Variants in MYRFL observed in about 807,000 individuals in gnomAD.
MYRFL encodes myelin regulatory factor-like protein.
In MYRFL, 88 loss-of-function variants were observed where a neutral mutation model predicts 109.4. That is an observed-to-expected ratio of 0.80 (90% CI 0.68 to 0.96). MYRFL has a LOEUF of 0.96. MYRFL is among the 40% of genes least tolerant of loss of function. The pLI is 0.00. For missense variants in MYRFL, 957 were observed against 954.9 expected (o/e 1.00, Z -0.03); for synonymous variants, 324 against 320.9 (o/e 1.01, Z -0.10).
At chr12:69,889,551 A>T (rs2701607) in intron 6 of MYRFL, among the ~76,000 whole-genome samples, 112,951 of 152,000 alleles carry the variant, frequency 0.74, 42,048 homozygotes, top group East Asian at 0.8. Flanking sequence ...AGCATCATGT[A>T]GGTGTTCAAA....
At chr12:69,901,263 C>T (rs557789245) in intron 10 of MYRFL, among the ~76,000 whole-genome samples, 2 of 152,304 alleles carry the variant, frequency 1.3e-5, no homozygotes, top group African/African-American at 4.8e-5. Flanking sequence ...CATGTGAATA[C>T]AAACTCATAA....
intron 1 of MYRFL, among the ~76,000 whole-genome samples, chr12:69,837,841 T>C (rs907175835): frequency 2.0e-5 from 3 of 152,184 alleles, no homozygotes; most frequent in Non-Finnish European, 2.9e-5. Flanking sequence ...CCTTTCAAAG[T>C]ATGTAATGAA....
intron 10 of MYRFL, among the ~76,000 whole-genome samples, chr12:69,897,843 T>G (rs990844641): frequency 5.3e-5 from 8 of 152,202 alleles, no homozygotes; most frequent in African/African-American, 1.9e-4. Context: ...TCTGGGCTAC[T>G]GTCTAGCACA....
intron 2 of MYRFL, among the ~76,000 whole-genome samples, chr12:69,877,624 A>G (rs1885769957): frequency 6.6e-6 from 1 of 151,922 alleles, no homozygotes; most frequent in Non-Finnish European, 1.5e-5. Context: ...ATTCCTTTAC[A>G]TTTATTTGAG....
At chr12:69,878,803 A>G (rs1014509452) in intron 2 of MYRFL, among the ~76,000 whole-genome samples, 1 of 152,130 alleles carries the variant, frequency 6.6e-6, no homozygotes, top group Non-Finnish European at 1.5e-5. Context: ...ATGGATACAC[A>G]GCTAGGAAGT....
intron 19 of MYRFL, among the ~76,000 whole-genome samples, chr12:69,939,555 C>G (rs192033129): frequency 1.6e-4 from 25 of 152,238 alleles, no homozygotes; most frequent in South Asian, 6.2e-4. Flanking sequence ...TCACCATCAT[C>G]AAAGACCAAA....
chr12:69,825,516 C>A lies in MYRFL; in HGVS notation c.-2C>A. 2.8e-6 allele frequency: 2 copies of A among 701,846 alleles called. No homozygotes were observed. Among genetic ancestry groups the A allele is most frequent in the Non-Finnish European group, 5.2e-6 (2 of 384,268 alleles). The allele number at this position is 701,846 out of a possible 1,614,324, so 43.5% of individuals were successfully genotyped here. ...AGGAAATAGTACTAGGATCACAGTA[C>A]CATGGATGTGGTAGGCGAAAATGAG... is the stretch of plus-strand genomic sequence containing the variant. On this transcript the variant is annotated 5_prime_UTR_variant, in exon 1 of 25. Coordinates refer to ENST00000552032, the MANE Select transcript of MYRFL (RefSeq NM_182530.3).
chr12:69,958,285 T>C lies in MYRFL; in HGVS notation c.2608T>C (p.Phe870Leu). Residue 870 changes from phenylalanine to leucine, a missense_variant, in exon 24 of 25, where the codon TTT (phenylalanine) becomes CTT (leucine). Coordinates refer to ENST00000552032, the MANE Select transcript of MYRFL (RefSeq NM_182530.3). ...QHIWSLPVAPFSDSMFHFRVA... is the reference protein window; with the variant it reads ...QHIWSLPVAPLSDSMFHFRVA... ...CATTTGGAGCCTCCCTGTAGCCCCATTTTCTGACAGCATGTTCCATTTCCG... is the reference window on the plus strand; with the variant it reads ...CATTTGGAGCCTCCCTGTAGCCCCACTTTCTGACAGCATGTTCCATTTCCG... 2 of 1,536,558 alleles carry C rather than the reference T, an allele frequency of 1.3e-6. No individual in the cohort carries two copies. The highest frequency in any genetic ancestry group is 1.2e-5 in the South Asian group (1 of 84,054).
intron 13 of MYRFL, among the ~76,000 whole-genome samples, chr12:69,925,488 T>C (rs1242393275): frequency 6.6e-6 from 1 of 152,224 alleles, no homozygotes; most frequent in Non-Finnish European, 1.5e-5. Flanking sequence ...CAGTCTCTAT[T>C]GCCCTTGAAC....
At chr12:69,870,279 T>C (rs577685400) in intron 2 of MYRFL, among the ~76,000 whole-genome samples, 196 of 146,280 alleles carry the variant, frequency 1.3e-3, no homozygotes, top group South Asian at 2.6e-3. Flanking sequence ...GGTTTTGCCA[T>C]GTTGGCCAGG....
intron 11 of MYRFL, chr12:69,904,101 G>C (rs565194298): frequency 7.6e-5 from 29 of 379,112 alleles, no homozygotes; most frequent in African/African-American, 5.5e-4. Flanking sequence ...CTCACAGGCA[G>C]CAAGTCTCAG....
At chr12:69,862,316 T>C (rs1440758446) in intron 2 of MYRFL, among the ~76,000 whole-genome samples, 3 of 151,010 alleles carry the variant, frequency 2.0e-5, no homozygotes, top group Admixed American at 6.6e-5. Flanking sequence ...GGGGATGGCA[T>C]TGAATCTATA....
intron 2 of MYRFL, among the ~76,000 whole-genome samples, chr12:69,868,910 A>G (rs761657341): frequency 3.3e-5 from 5 of 151,412 alleles, no homozygotes; most frequent in African/African-American, 7.3e-5. Flanking sequence ...GCACACGCGC[A>G]CACACACATG....
chr12:69,887,052 G>C, intron 6 of MYRFL, 82 bp downstream of exon 6: 1 of 1,429,596 alleles, frequency 7.0e-7, no homozygotes, highest in Non-Finnish European at 9.4e-7. Context: ...CTGGAGCTTT[G>C]ATGTCACCTC....
intron 19 of MYRFL, among the ~76,000 whole-genome samples, chr12:69,950,034 T>C (rs1324750618): frequency 6.6e-6 from 1 of 152,206 alleles, no homozygotes; most frequent in Non-Finnish European, 1.5e-5. Context: ...TATCCTTCAG[T>C]GCAAAAATAT....
At chr12:69,903,969 C>T (rs2136345789) in intron 11 of MYRFL, 125 bp downstream of exon 11, 1 of 829,806 alleles carries the variant, frequency 1.2e-6, no homozygotes, top group East Asian at 2.7e-5. Context: ...GTGAGATGAA[C>T]ACACTGCTTA....
chr12:69,924,154 A>T (rs922815331), intron 13 of MYRFL, among the ~76,000 whole-genome samples: 1 of 145,072 alleles, frequency 6.9e-6, no homozygotes, highest in Non-Finnish European at 1.5e-5. Flanking sequence ...ATGCCACTGC[A>T]CTCCAGCCTG....
intron 7 of MYRFL, among the ~76,000 whole-genome samples, chr12:69,891,561 A>ATATC (rs756108051): frequency 8.8e-6 from 1 of 113,998 alleles, no homozygotes; most frequent in Non-Finnish European, 1.9e-5. Flanking sequence ...AAAGGTGTCA[A>ATATC]TTTCTTTCTT....
At chr12:69,908,553 C>T (rs982953233) in intron 11 of MYRFL, among the ~76,000 whole-genome samples, 5 of 152,194 alleles carry the variant, frequency 3.3e-5, no homozygotes, top group African/African-American at 1.2e-4. Flanking sequence ...AAGATCTCAG[C>T]TGGGCTTCAT....
Sources: gnomAD v4.1 joint callset for allele counts (sites outside exome capture counted in the v4.1 genomes callset) on GRCh38, gnomAD v4.1.1 for gene constraint, MANE v1.5 for transcripts, NCBI Gene and HGNC (gene_info 2026-07-23, HGNC 2026-07-21) for gene names.